PTPRD: variants seen among roughly 807,000 people sequenced by gnomAD.
PTPRD encodes receptor-type tyrosine-protein phosphatase delta.
In PTPRD, 34 loss-of-function variants were observed where a neutral mutation model predicts 214.5. The ratio of observed to expected loss-of-function variants is 0.16; its 90% CI spans 0.12 to 0.21. The LOEUF is 0.21. PTPRD is among the 10% of genes least tolerant of loss of function. The pLI, the probability that PTPRD is intolerant of heterozygous loss-of-function variation, is 1.00. For missense variants in PTPRD, 2,545 were observed against 2,398.7 expected, an observed-to-expected ratio of 1.06 and a Z score of -1.27; for synonymous variants, 1,128 against 845.7, an observed-to-expected ratio of 1.33 and a Z score of -5.79.
intron 11 of PTPRD, among the ~76,000 whole-genome samples, chr9:8,761,991 C>T (rs2094443456): frequency 6.6e-6 from 1 of 152,024 alleles, no homozygotes; most frequent in African/African-American, 2.4e-5. Flanking sequence ...CTCAGATGCC[C>T]AATTTAGGTA....
At chr9:8,922,491 T>C (rs1044062868) in intron 11 of PTPRD, among the ~76,000 whole-genome samples, 1 of 152,232 alleles carries the variant, frequency 6.6e-6, no homozygotes, top group Non-Finnish European at 1.5e-5. Context: ...TTCTTAACAA[T>C]AGTCATAATA....
At chr9:9,472,551 C>A (rs1160067520) in intron 8 of PTPRD, among the ~76,000 whole-genome samples, 1 of 152,122 alleles carries the variant, frequency 6.6e-6, no homozygotes, top group Non-Finnish European at 1.5e-5. Flanking sequence ...TTGAGGGAAC[C>A]AACGTAAGCT....
intron 11 of PTPRD, among the ~76,000 whole-genome samples, chr9:8,848,282 G>A (rs1485866537): frequency 6.7e-6 from 1 of 149,150 alleles, no homozygotes; most frequent in African/African-American, 2.5e-5. Context: ...CGGTAGAGAG[G>A]CAACGTACTT....
chr9:8,853,522 C>T (rs886501585), intron 11 of PTPRD, among the ~76,000 whole-genome samples: 2 of 152,000 alleles, frequency 1.3e-5, no homozygotes, highest in Non-Finnish European at 2.9e-5. Flanking sequence ...ATGAGATTAC[C>T]CATATAGAAA....
intron 7 of PTPRD, among the ~76,000 whole-genome samples, chr9:9,703,709 T>C (rs2097544298): frequency 6.6e-6 from 1 of 152,182 alleles, no homozygotes; most frequent in African/African-American, 2.4e-5. Flanking sequence ...TAATAAGTGA[T>C]TTTATTTTTT....
chr9:9,817,448 T>C (rs2049124982), intron 5 of PTPRD, among the ~76,000 whole-genome samples: 1 of 152,220 alleles, frequency 6.6e-6, no homozygotes, highest in African/African-American at 2.4e-5. Flanking sequence ...ACAAGTTAAC[T>C]ATTTATTTCC....
At chr9:8,951,543 T>G (rs2099102328) in intron 11 of PTPRD, among the ~76,000 whole-genome samples, 1 of 152,054 alleles carries the variant, frequency 6.6e-6, no homozygotes, top group Non-Finnish European at 1.5e-5. Flanking sequence ...TGTTTTACGT[T>G]CAGCATATCA....
At chr9:10,352,173 T>A (rs2154458754) in intron 2 of PTPRD, among the ~76,000 whole-genome samples, 1 of 152,132 alleles carries the variant, frequency 6.6e-6, no homozygotes, top group South Asian at 2.1e-4. Context: ...TGAAACTAAA[T>A]TGAGTTTTCT....
chr9:10,090,089 T>C (rs1452568449), intron 3 of PTPRD, among the ~76,000 whole-genome samples: 1 of 151,642 alleles, frequency 6.6e-6, no homozygotes, highest in Non-Finnish European at 1.5e-5. Context: ...CAGTTCAAAA[T>C]ATACTTCTCA....
At chr9:9,202,747 T>C (rs901953243) in intron 9 of PTPRD, among the ~76,000 whole-genome samples, 3 of 152,240 alleles carry the variant, frequency 2.0e-5, no homozygotes, top group Admixed American at 6.5e-5. Context: ...GAGGACATGC[T>C]CAGTTAGCAC....
At chr9:8,353,937 CATATATATAT>C (rs59488682) in intron 39 of PTPRD, among the ~76,000 whole-genome samples, 3 of 61,300 alleles carry the variant, frequency 4.9e-5, no homozygotes, top group African/African-American at 2.0e-4. Flanking sequence ...TGTGTGTGTA[CATATATATAT>C]ATATATATAT....
chr9:10,181,306 AC>A (rs1349426921), intron 3 of PTPRD, among the ~76,000 whole-genome samples: 1 of 152,176 alleles, frequency 6.6e-6, no homozygotes, highest in Non-Finnish European at 1.5e-5. Flanking sequence ...AAAAATTCTA[AC>A]ATAATAAAGG....
Position 9,126,637 on chromosome 9 carries a change from C to G in PTPRD, c.-143+56667G>C, listed in dbSNP as rs1008971527. Among the ~76,000 whole-genome samples the G allele has an allele frequency of 2.6e-5, 4 of 152,190 alleles. No homozygotes were observed. In the East Asian group the frequency reaches 7.7e-4, roughly 29 times the overall value. ...GATTAATGAAAACAAGATAGTCACT[C>G]AATTTTTGGTGAATCACTGAGTGAT... On this transcript the variant is annotated intron_variant, in intron 10 of 45. Transcript: ENST00000381196.
At chr9:9,489,836 T>C (rs537497869) in intron 8 of PTPRD, among the ~76,000 whole-genome samples, 3 of 151,950 alleles carry the variant, frequency 2.0e-5, no homozygotes, top group South Asian at 4.1e-4. Flanking sequence ...GATGAAAAAA[T>C]ATTTAATGAA....
chr9:10,374,204 T>C (rs900404055), intron 2 of PTPRD, among the ~76,000 whole-genome samples: 2 of 152,108 alleles, frequency 1.3e-5, no homozygotes, highest in Non-Finnish European at 2.9e-5. Context: ...AAAATGACTC[T>C]TGAATTAGTT....
chr9:8,435,700 T>TATAC (rs1554962028), intron 35 of PTPRD, among the ~76,000 whole-genome samples: 275 of 148,872 alleles, frequency 1.8e-3, no homozygotes, highest in South Asian at 0.017. Flanking sequence ...AATATCCAAA[T>TATAC]ACACACACAC....
At chr9:10,505,340 T>C (rs1478600112) in intron 2 of PTPRD, among the ~76,000 whole-genome samples, 3 of 152,192 alleles carry the variant, frequency 2.0e-5, no homozygotes, top group Non-Finnish European at 4.4e-5. Flanking sequence ...TTTCAGCTGG[T>C]ACACATATTG....
chr9:9,767,140 A>G (rs548009930), intron 5 of PTPRD, among the ~76,000 whole-genome samples: 3 of 152,182 alleles, frequency 2.0e-5, no homozygotes, highest in Middle Eastern at 3.4e-3. Context: ...AATTATAGAA[A>G]GAAAGAACAT....
At chr9:9,204,852 T>A (rs561663608) in intron 9 of PTPRD, among the ~76,000 whole-genome samples, 508 of 152,254 alleles carry the variant, frequency 3.3e-3, no homozygotes, top group African/African-American at 0.012. Context: ...CTCAAATTAT[T>A]ATCATTATTA....
Sources: gnomAD v4.1 joint callset for allele counts (sites outside exome capture counted in the v4.1 genomes callset) on GRCh38, gnomAD v4.1.1 for gene constraint, MANE v1.5 for transcripts, NCBI Gene and HGNC (gene_info 2026-07-23, HGNC 2026-07-21) for gene names.